The following ZNF385D variants were observed in gnomAD, a reference collection of about 807,000 sequenced individuals.
ZNF385D encodes zinc finger protein 659.
Under a neutral mutation model 35.8 loss-of-function variants are expected in ZNF385D, and 15 were observed. The ratio of observed to expected loss-of-function variants is 0.42; its 90% CI spans 0.28 to 0.64. ZNF385D has a LOEUF of 0.64. Among genes scored for constraint, ZNF385D ranks in the 30% least tolerant of loss-of-function variants. The pLI, the probability that ZNF385D is intolerant of heterozygous loss-of-function variation, is 0.23. For synonymous variants in ZNF385D, 212 were observed against 186.8 expected (o/e 1.13, Z -1.10); for missense variants, 474 against 494.6 (o/e 0.96, Z 0.39).
At chr3:22,327,452 A>G (rs367571863) in intron 2 of ZNF385D, among the ~76,000 whole-genome samples, 7 of 152,310 alleles carry the variant, frequency 4.6e-5, no homozygotes, top group South Asian at 4.1e-4. Context: ...TGGTGGTCCT[A>G]AATTTCAGGA....
At chr3:22,144,572 CAAAAAAAAAAA>C (rs10536394) in intron 3 of ZNF385D, among the ~76,000 whole-genome samples, 4 of 67,548 alleles carry the variant, frequency 5.9e-5, no homozygotes, top group East Asian at 5.3e-4. Context: ...GACTCCATTT[CAAAAAAAAAAA>C]AAAAAAAAAA....
chr3:21,442,482 T>G (rs1018591498), intron 4 of ZNF385D, among the ~76,000 whole-genome samples: 3 of 152,144 alleles, frequency 2.0e-5, no homozygotes, highest in Non-Finnish European at 2.9e-5. Context: ...AAAAGGTGCT[T>G]CTGACCAAAA....
chr3:22,260,841 A>G (rs1453114336), intron 2 of ZNF385D, among the ~76,000 whole-genome samples: 1 of 152,056 alleles, frequency 6.6e-6, no homozygotes, highest in African/African-American at 2.4e-5. Context: ...CAGATTTTCA[A>G]TTCTGAAGAA....
At chr3:21,846,479 G>A (rs758471549) in intron 3 of ZNF385D, among the ~76,000 whole-genome samples, 1 of 151,976 alleles carries the variant, frequency 6.6e-6, no homozygotes, top group African/African-American at 2.4e-5. Context: ...GTTCAAGCAG[G>A]TACCCAGAGT....
intron 4 of ZNF385D, among the ~76,000 whole-genome samples, chr3:21,491,322 G>A (rs987476289): frequency 1.8e-4 from 27 of 151,814 alleles, no homozygotes; most frequent in Non-Finnish European, 2.9e-4. Context: ...ATCATAGGGA[G>A]GATGATCAAT....
chr3:21,873,422 T>C (rs1308183268), intron 3 of ZNF385D, among the ~76,000 whole-genome samples: 1 of 152,166 alleles, frequency 6.6e-6, no homozygotes, highest in East Asian at 1.9e-4. Context: ...TGTTCTCACA[T>C]ATAATACTCT....
intron 3 of ZNF385D, among the ~76,000 whole-genome samples, chr3:21,989,829 C>G (rs983686221): frequency 1.3e-5 from 2 of 152,166 alleles, no homozygotes; most frequent in Admixed American, 1.3e-4. Context: ...TTGGCACAAG[C>G]TGTGCCACTT....
chr3:22,309,153 C>A (rs1559511496), intron 2 of ZNF385D, among the ~76,000 whole-genome samples: 2 of 152,134 alleles, frequency 1.3e-5, no homozygotes, highest in South Asian at 4.2e-4. Flanking sequence ...CTGTGTTAAT[C>A]TCCAGGCTAT....
At chr3:21,970,435 C>G (rs1486519819) in intron 3 of ZNF385D, among the ~76,000 whole-genome samples, 1 of 151,124 alleles carries the variant, frequency 6.6e-6, no homozygotes, top group Admixed American at 6.6e-5. Context: ...GGTCTCTTAA[C>G]AGCAGAATTG....
rs184281002 is a variant in ZNF385D, at chr3:22,293,631, T to C, written c.106+78819A>G. ...CACATTATATTTTTTGGCAAAAGAA[T>C]GCTACCTGAATATTTTCCTCAGTTG... On this transcript the variant is annotated intron_variant, in intron 2 of 5. Transcript: ENST00000494108. Among the ~76,000 whole-genome samples the C allele has an allele frequency of 4.6e-4, 70 of 152,234 alleles. No individual in the cohort carries two copies. The East Asian group carries it at 0.01, about 22-fold the overall frequency.
chr3:22,104,922 G>T (rs145447317), intron 3 of ZNF385D, among the ~76,000 whole-genome samples: 1 of 152,082 alleles, frequency 6.6e-6, no homozygotes, highest in Non-Finnish European at 1.5e-5. Context: ...GCTGAAGAAC[G>T]GTCAATGTTT....
chr3:22,123,443 G>T (rs1246630513), intron 3 of ZNF385D, among the ~76,000 whole-genome samples: 1 of 152,142 alleles, frequency 6.6e-6, no homozygotes, highest in African/African-American at 2.4e-5. Flanking sequence ...CATAAAATGT[G>T]TAATCACACC....
chr3:22,272,552 G>GA (rs1701230214), intron 2 of ZNF385D, among the ~76,000 whole-genome samples: 1 of 151,948 alleles, frequency 6.6e-6, no homozygotes. Flanking sequence ...TTTTATTTAT[G>GA]AAAGCAGCCT....
intron 2 of ZNF385D, among the ~76,000 whole-genome samples, chr3:22,289,213 T>C (rs1274155663): frequency 6.6e-6 from 1 of 152,166 alleles, no homozygotes; most frequent in African/African-American, 2.4e-5. Flanking sequence ...AAATGGGTCC[T>C]CTGAATGTGT....
At chr3:22,147,345 G>T (rs1559407318) in intron 3 of ZNF385D, among the ~76,000 whole-genome samples, 1 of 152,134 alleles carries the variant, frequency 6.6e-6, no homozygotes, top group Admixed American at 6.6e-5. Context: ...AACCACACCT[G>T]GCTTTTCAGA....
At chr3:21,758,317 G>A (rs577024321) in intron 3 of ZNF385D, among the ~76,000 whole-genome samples, 4 of 152,130 alleles carry the variant, frequency 2.6e-5, no homozygotes, top group African/African-American at 4.8e-5. Flanking sequence ...CCATAGGCAT[G>A]GCCTATGAGG....
chr3:21,673,685 T>C (rs2066642189), intron 1 of ZNF385D, among the ~76,000 whole-genome samples: 1 of 152,104 alleles, frequency 6.6e-6, no homozygotes, highest in Admixed American at 6.6e-5. Context: ...ACAAACCAAA[T>C]TTTTAAAAAG....
intron 2 of ZNF385D, among the ~76,000 whole-genome samples, chr3:22,350,125 T>C (rs999514496): frequency 1.3e-5 from 2 of 152,154 alleles, no homozygotes; most frequent in Non-Finnish European, 2.9e-5. Flanking sequence ...GGATGTCCAA[T>C]ACAATACTGC....
At chr3:21,560,407 C>T (rs543021694) in intron 3 of ZNF385D, among the ~76,000 whole-genome samples, 3 of 152,282 alleles carry the variant, frequency 2.0e-5, no homozygotes, top group Admixed American at 2.0e-4. Flanking sequence ...TTCTAATAGG[C>T]CCCTCTGCTG....
Sources: allele counts gnomAD v4.1 joint callset (sites outside exome capture counted in the v4.1 genomes callset), GRCh38; gene constraint gnomAD v4.1.1; transcripts MANE v1.5; gene names NCBI Gene and HGNC (gene_info 2026-07-23, HGNC 2026-07-21).